Variants in NTRK3 observed in about 807,000 individuals in gnomAD.
NTRK3 encodes neurotrophic receptor tyrosine kinase 3.
NTRK3 carries 24 observed loss-of-function variants against 91.7 expected under a neutral mutation model. The observed-to-expected ratio is 0.26, with a 90% CI of 0.19 to 0.37. The LOEUF is 0.37. Ranked by LOEUF, NTRK3 falls within the 10% of genes least tolerant of loss-of-function variation. The probability of loss-of-function intolerance (pLI) is 1.00; values close to 1 mark genes in which losing one functional copy is unlikely to be tolerated. For missense variants in NTRK3, 880 were observed against 1,068.9 expected, an observed-to-expected ratio of 0.82 and a Z score of 2.46; for synonymous variants, 483 against 404.0, an observed-to-expected ratio of 1.20 and a Z score of -2.34.
At chr15:87,975,353 T>C (rs2073631435) in intron 14 of NTRK3, among the ~76,000 whole-genome samples, 1 of 152,164 alleles carries the variant, frequency 6.6e-6, no homozygotes, top group Non-Finnish European at 1.5e-5. Flanking sequence ...GTCTCTAGAA[T>C]GAAGATCCAG....
chr15:88,014,411 A>C (rs547350035), intron 14 of NTRK3, among the ~76,000 whole-genome samples: 1 of 152,200 alleles, frequency 6.6e-6, no homozygotes, highest in African/African-American at 2.4e-5. Flanking sequence ...TTCCTCATCT[A>C]CTAAACGAAA....
At chr15:88,016,713 C>T (rs1352477679) in intron 14 of NTRK3, among the ~76,000 whole-genome samples, 1 of 152,170 alleles carries the variant, frequency 6.6e-6, no homozygotes, top group African/African-American at 2.4e-5. Context: ...GGGAAGGATG[C>T]ATTATAAATC....
intron 13 of NTRK3, among the ~76,000 whole-genome samples, chr15:88,063,517 G>A (rs372843790): frequency 5.3e-5 from 8 of 152,302 alleles, no homozygotes; most frequent in South Asian, 2.1e-4. Context: ...TGCTGTGATC[G>A]CAGAGCCCTG....
chr15:88,250,635 C>T (rs894848691), intron 3 of NTRK3, among the ~76,000 whole-genome samples: 1 of 152,164 alleles, frequency 6.6e-6, no homozygotes, highest in Non-Finnish European at 1.5e-5. Context: ...CCATACCCCC[C>T]TATTAATCAA....
intron 14 of NTRK3, chr15:87,977,986 C>T: frequency 8.6e-6 from 2 of 233,138 alleles, no homozygotes; most frequent in Middle Eastern, 1.3e-3. Context: ...CCCCCACAAG[C>T]CCCCCACAGG....
chr15:88,077,355 T>C (rs1303411021), intron 13 of NTRK3, among the ~76,000 whole-genome samples: 2 of 152,130 alleles, frequency 1.3e-5, no homozygotes, highest in African/African-American at 4.8e-5. Context: ...AAATGCTGCC[T>C]GGAATGCCAT....
At chr15:88,145,850 T>C (rs559033202) in intron 6 of NTRK3, among the ~76,000 whole-genome samples, 55 of 107,672 alleles carry the variant, frequency 5.1e-4, no homozygotes, top group African/African-American at 3.1e-3. Flanking sequence ...CACAATCATG[T>C]GTTTTTTTTA....
At chr15:88,188,773 G>A (rs1022134247) in intron 3 of NTRK3, among the ~76,000 whole-genome samples, 3 of 152,220 alleles carry the variant, frequency 2.0e-5, no homozygotes, top group South Asian at 2.1e-4. Flanking sequence ...CTGCTGGACC[G>A]TGGCCCAAGC....
intron 14 of NTRK3, among the ~76,000 whole-genome samples, chr15:87,942,264 C>A (rs972712932): frequency 6.6e-6 from 1 of 152,206 alleles, no homozygotes; most frequent in Non-Finnish European, 1.5e-5. Flanking sequence ...TGCTGACGAC[C>A]GCTCCTCCCA....
At chr15:87,882,144 C>A (rs1261006998) in intron 17 of NTRK3, among the ~76,000 whole-genome samples, 2 of 152,142 alleles carry the variant, frequency 1.3e-5, no homozygotes, top group Non-Finnish European at 2.9e-5. Context: ...TATACACCCA[C>A]CTTGGCCTCC....
rs200192205 is a variant in NTRK3 at position 88,011,841 on chromosome 15, C to A, written c.1585+21016G>T. The stretch of plus-strand genomic sequence containing the variant: ...GACCCAGTAGTGCAGAAGTGAATTT[C>A]TTCTGTAGTATAACTAAGGCAGACT... On this transcript the variant is annotated intron_variant, in intron 14 of 18. Coordinates refer to ENST00000394480, the Ensembl canonical transcript of NTRK3. Among the ~76,000 whole-genome samples the A allele has an allele frequency of 2.0e-4, 31 of 152,316 alleles. 1 individual carries two copies. In the East Asian group the frequency reaches 5.8e-3, roughly 28 times the overall value.
chr15:88,142,321 C>T (rs1171190132), intron 6 of NTRK3, among the ~76,000 whole-genome samples: 1 of 152,236 alleles, frequency 6.6e-6, no homozygotes, highest in Non-Finnish European at 1.5e-5. Flanking sequence ...ACAGCAGCAG[C>T]TGCTGCAAGG....
intron 13 of NTRK3, among the ~76,000 whole-genome samples, chr15:88,079,416 AG>A (rs2047851948): frequency 6.6e-6 from 1 of 152,184 alleles, no homozygotes; most frequent in African/African-American, 2.4e-5. Flanking sequence ...CCAGAAGTTT[AG>A]GAGGCAGACA....
intron 13 of NTRK3, among the ~76,000 whole-genome samples, chr15:88,108,498 C>T (rs533868633): frequency 2.0e-5 from 3 of 152,210 alleles, no homozygotes; most frequent in Non-Finnish European, 4.4e-5. Context: ...CCTCCTCACT[C>T]CATGCTCCCT....
intron 13 of NTRK3, among the ~76,000 whole-genome samples, chr15:88,054,777 A>G (rs2045540058): frequency 6.6e-6 from 1 of 152,146 alleles, no homozygotes; most frequent in East Asian, 1.9e-4. Flanking sequence ...GATGATAACA[A>G]TAATAATAAT....
intron 3 of NTRK3, among the ~76,000 whole-genome samples, chr15:88,250,751 A>G (rs954053045): frequency 6.6e-6 from 1 of 152,252 alleles, no homozygotes; most frequent in African/African-American, 2.4e-5. Context: ...TCACAAGAGC[A>G]GTGGGTACCA....
chr15:87,980,156 C>T (rs1057298827), intron 14 of NTRK3, among the ~76,000 whole-genome samples: 2 of 152,182 alleles, frequency 1.3e-5, no homozygotes, highest in African/African-American at 2.4e-5. Context: ...CCCGAGGCCA[C>T]GTGCTGCCTC....
At chr15:87,909,864 C>T (rs780255312) in intron 17 of NTRK3, among the ~76,000 whole-genome samples, 32 of 152,182 alleles carry the variant, frequency 2.1e-4, no homozygotes, top group South Asian at 1.4e-3. Context: ...AGACAAAGAG[C>T]GAGGCCTCTG....
chr15:88,141,643 GC>G (rs1359980651), intron 6 of NTRK3, among the ~76,000 whole-genome samples: 1 of 152,246 alleles, frequency 6.6e-6, no homozygotes, highest in African/African-American at 2.4e-5. Context: ...CAGGCGAGGG[GC>G]TTGGCTGCAT....
Sources: allele counts gnomAD v4.1 joint callset (sites outside exome capture counted in the v4.1 genomes callset), GRCh38; gene constraint gnomAD v4.1.1; transcripts MANE v1.5; gene names NCBI Gene and HGNC (gene_info 2026-07-23, HGNC 2026-07-21).